The following PLCH1 variants were observed in gnomAD, a reference collection of about 807,000 sequenced individuals.
PLCH1 encodes the protein 1-phosphatidylinositol 4,5-bisphosphate phosphodiesterase eta-1.
Under a neutral mutation model 126.7 loss-of-function variants are expected in PLCH1, and 60 were observed. The ratio of observed to expected loss-of-function variants is 0.47; its 90% CI spans 0.38 to 0.59. PLCH1 has a LOEUF of 0.59. Ranked by LOEUF, PLCH1 falls within the 20% of genes least tolerant of loss-of-function variation. The pLI is 0.00. For synonymous variants in PLCH1, 719 were observed against 734.9 expected, an observed-to-expected ratio of 0.98 and a Z score of 0.35; for missense variants, 1,723 against 2,040.0, an observed-to-expected ratio of 0.84 and a Z score of 2.99.
intron 10 of PLCH1, among the ~76,000 whole-genome samples, chr3:155,549,227 T>C (rs1041485243): frequency 6.6e-6 from 1 of 152,216 alleles, no homozygotes; most frequent in Admixed American, 6.5e-5. Context: ...AATCTGTTTA[T>C]GAAATGTCAT....
chr3:155,625,542 C>A, intron 2 of PLCH1, among the ~76,000 whole-genome samples: 1 of 152,020 alleles, frequency 6.6e-6, no homozygotes, highest in East Asian at 1.9e-4. Flanking sequence ...AAGAAAAAAA[C>A]AACCCCATCA....
chr3:155,692,828 C>G (rs977244989), intron 2 of PLCH1, among the ~76,000 whole-genome samples: 13 of 152,028 alleles, frequency 8.6e-5, no homozygotes, highest in Non-Finnish European at 1.9e-4. Flanking sequence ...GCCATCTCCG[C>G]TCACTGCAAG....
At chr3:155,530,006 A>T (rs1460211036) in intron 10 of PLCH1, among the ~76,000 whole-genome samples, 1 of 152,116 alleles carries the variant, frequency 6.6e-6, no homozygotes, top group Non-Finnish European at 1.5e-5. Flanking sequence ...ACCTCAAGTG[A>T]TCCACCCGCC....
rs1559901727 is a variant in PLCH1 at position 155,655,429 on chromosome 3, GA to G, written c.79+48716del. The stretch of plus-strand genomic sequence containing the variant: ...CTGGGTAACAGAGCAAGAAACTTGT[GA>G]GAAAAAAAAAAAGAAGAAGAAGAAG... On this transcript the variant is annotated intron_variant, in intron 2 of 22. Transcript: ENST00000460012. Among the ~76,000 whole-genome samples, 473 of 145,722 alleles carry G rather than the reference GA, an allele frequency of 3.2e-3. 3 individuals are homozygous for G. Among genetic ancestry groups the G allele is most frequent in the African/African-American group, 0.011 (442 of 38,702 alleles).
chr3:155,586,020 C>T lies in PLCH1; in HGVS notation c.600+45G>A, dbSNP rs758411391. The T allele has an allele frequency of 1.1e-5, 18 of 1,571,956 alleles. No individual in the cohort carries two copies. The Admixed American group carries it at 2.8e-4, about 25-fold the overall frequency. Reference sequence around the variant, plus strand: ...TTAATATACCTAAGTATGTTAATAACCTCTGTGTATTTTATATAAGGCCAG... The same window carrying T: ...TTAATATACCTAAGTATGTTAATAATCTCTGTGTATTTTATATAAGGCCAG... On this transcript the variant is annotated intron_variant, in intron 5 of 22. Transcript: ENST00000460012.
At position 155,482,985 on chromosome 3, in the gene PLCH1, T is replaced by C. The variant is rs377124673; in HGVS notation, c.3041A>G (p.Asn1014Ser). ...SIKDPHFLNF[N>S]KKLSSSSSAL... The stretch of plus-strand genomic sequence containing the variant: ...ACTGGAGGAGGATGATAACTTTTTG[T>C]TGAAATTTAGAAAATGTGGATCTTT... Residue 1014 changes from asparagine (N) to serine (S), a missense_variant, in exon 23 of 23, where the codon AAC becomes AGC. Physicochemically the swap from Asn to Ser is conservative, Grantham distance 46. Transcript: ENST00000460012. 1.3e-5 allele frequency: 21 copies of C among 1,613,990 alleles called. No homozygotes were observed. Among genetic ancestry groups the C allele is most frequent in the Non-Finnish European group, 8.5e-6 (10 of 1,179,964 alleles).
intron 2 of PLCH1, among the ~76,000 whole-genome samples, chr3:155,608,077 A>G (rs115364250): frequency 0.017 from 2,604 of 152,278 alleles, 29 homozygotes; most frequent in South Asian, 0.027. Context: ...GAAGGAATTA[A>G]CCTTACCTAG....
chr3:155,670,056 G>A (rs1354204693), intron 2 of PLCH1, among the ~76,000 whole-genome samples: 2 of 152,176 alleles, frequency 1.3e-5, no homozygotes, highest in East Asian at 3.9e-4. Flanking sequence ...AAGGCAAGAA[G>A]AAAGTTCATT....
At chr3:155,731,491 T>G (rs1748768520) in intron 1 of PLCH1, among the ~76,000 whole-genome samples, 1 of 152,132 alleles carries the variant, frequency 6.6e-6, no homozygotes, top group Admixed American at 6.5e-5. Flanking sequence ...GCCCACCTAC[T>G]GACCCAGGCA....
intron 13 of PLCH1, among the ~76,000 whole-genome samples, chr3:155,503,744 GC>G (rs1461990646): frequency 6.6e-6 from 1 of 152,090 alleles, no homozygotes; most frequent in Non-Finnish European, 1.5e-5. Context: ...GGCCATGTTG[GC>G]CAGGCTGGTT....
At chr3:155,695,575 C>G (rs1396829717) in intron 2 of PLCH1, among the ~76,000 whole-genome samples, 1 of 152,244 alleles carries the variant, frequency 6.6e-6, no homozygotes, top group South Asian at 2.1e-4. Flanking sequence ...CTATATGCAA[C>G]GCATTGCACT....
At chr3:155,517,426 A>C (rs974136411) in intron 11 of PLCH1, among the ~76,000 whole-genome samples, 5 of 152,168 alleles carry the variant, frequency 3.3e-5, no homozygotes, top group Non-Finnish European at 7.3e-5. Context: ...CAAAAGTATG[A>C]AGTCTAGGTG....
At position 155,550,069 on chromosome 3, in the gene PLCH1, C is replaced by T. The variant is rs576842796; in HGVS notation, c.1191-111G>A. 1.1e-4 allele frequency: 74 copies of T among 651,462 alleles called. 1 individual carries two copies. In the Admixed American group the frequency reaches 1.6e-3, roughly 14 times the overall value. 40.4% of individuals were successfully genotyped at this position (651,462 alleles called of 1,614,324 possible). A position where few individuals can be genotyped will look rare whatever the true frequency, so the allele number is the denominator to read the frequency against. On this transcript the variant is annotated intron_variant, in intron 9 of 22. Transcript: ENST00000460012. Reference sequence around the variant, plus strand: ...GTTACAATCCTAGTGACAGTATTTGCGATACTGATGATGGTTAAAATGCTT... The same window carrying T: ...GTTACAATCCTAGTGACAGTATTTGTGATACTGATGATGGTTAAAATGCTT...
chr3:155,593,942 G>T lies in PLCH1; in HGVS notation c.469C>A (p.Gln157Lys). ...AAAATAAAGTTCTAGAAAGGATATTGGTCATGGGTCCTCTGCCTTTTGGCA... is the reference window on the plus strand; with the variant it reads ...AAAATAAAGTTCTAGAAAGGATATTTGTCATGGGTCCTCTGCCTTTTGGCA... ...SLAKRQRTHDQWVKQTFEEAD... is the reference protein window; with the variant it reads ...SLAKRQRTHDKWVKQTFEEAD... Residue 157 changes from glutamine to lysine, a missense_variant and splice_region_variant, in exon 4 of 23, where the codon CAA becomes AAA. Transcript: ENST00000460012. The T allele has an allele frequency of 6.2e-7, 1 of 1,613,910 alleles. No individual in the cohort carries two copies. The highest frequency in any genetic ancestry group is 1.1e-5 in the South Asian group (1 of 91,024).
intron 2 of PLCH1, among the ~76,000 whole-genome samples, chr3:155,657,256 A>T (rs1741512778): frequency 6.6e-6 from 1 of 152,220 alleles, no homozygotes; most frequent in Non-Finnish European, 1.5e-5. Context: ...GACAGGAACC[A>T]AATGAAGTAG....
At chr3:155,637,433 A>T (rs1026781868) in intron 2 of PLCH1, among the ~76,000 whole-genome samples, 9 of 152,224 alleles carry the variant, frequency 5.9e-5, no homozygotes, top group East Asian at 1.9e-4. Context: ...CTAATAAAAG[A>T]TGAGAAAAGT....
chr3:155,715,869 G>T (rs1210416796), intron 1 of PLCH1, among the ~76,000 whole-genome samples: 1 of 152,070 alleles, frequency 6.6e-6, no homozygotes, highest in Non-Finnish European at 1.5e-5. Flanking sequence ...TTCCCAAACT[G>T]CCAGGATTAT....
chr3:155,555,488 C>A lies in PLCH1; in HGVS notation c.1070-1292G>T, dbSNP rs562619846. 4.6e-5 allele frequency among the ~76,000 whole-genome samples: 7 copies of A among 152,320 alleles called. 1 individual carries two copies. In the East Asian group the frequency reaches 1.4e-3, roughly 29 times the overall value. On this transcript the variant is annotated intron_variant, in intron 8 of 22. Coordinates refer to ENST00000460012, the MANE Select transcript of PLCH1 (RefSeq NM_014996.4). ...CAAAACTGCTTGAGAGATTCACCCA[C>A]TAGGAACACCTATTTTGAACTTGAC...
intron 10 of PLCH1, among the ~76,000 whole-genome samples, chr3:155,541,666 C>T (rs929042566): frequency 6.6e-6 from 1 of 152,108 alleles, no homozygotes; most frequent in African/African-American, 2.4e-5. Context: ...GATCACAGAT[C>T]ACCACAACAG....
Sources: allele counts gnomAD v4.1 joint callset (sites outside exome capture counted in the v4.1 genomes callset), GRCh38; gene constraint gnomAD v4.1.1; transcripts MANE v1.5; gene names NCBI Gene and HGNC (gene_info 2026-07-23, HGNC 2026-07-21).